TUBB8B: variants seen among roughly 807,000 people sequenced by gnomAD.
TUBB8B encodes HSA18p11 beta-tubulin 4Q pseudogene.
TUBB8B carries 26 observed loss-of-function variants against 31.9 expected under a neutral mutation model. The observed-to-expected ratio is 0.81, with a 90% confidence interval of 0.60 to 1.13. TUBB8B has a LOEUF of 1.13. TUBB8B is among the 50% of genes most tolerant of loss of function. The pLI is 0.00. For synonymous variants in TUBB8B, 173 were observed against 231.0 expected, an observed-to-expected ratio of 0.75 and a Z score of 2.28; for missense variants, 467 against 586.7, an observed-to-expected ratio of 0.80 and a Z score of 2.11.
Position 47,574 on chromosome 18 carries a change from T to C in TUBB8B, c.1151A>G (p.Gln384Arg). The C allele has an allele frequency of 7.4e-7, 1 of 1,342,574 alleles. No individual in the cohort carries two copies. The highest frequency in any genetic ancestry group is 9.9e-7 in the Non-Finnish European group (1 of 1,013,416). The allele number at this position is 1,342,574 out of a possible 1,614,324, so 83.2% of individuals were successfully genotyped here. A position where few individuals can be genotyped will look rare whatever the true frequency, so the allele number is the denominator to read the frequency against. ...IQELFTCVSE[Q>R]FTAMFRRKAF... ...CTTGCGCCTGAACATTGCTGTAAAC[T>C]GCTCTGAGACACATGTGAAGAGTTC... The change falls in exon 4 of 4, where the codon CAG (glutamine) becomes CGG (arginine). Residue 384 changes from glutamine (Q) to arginine (R), a missense_variant. By Grantham distance (43) the Gln-to-Arg change is conservative. Around this residue, in one of 2 missense-constraint regions of TUBB8B, gnomAD observed 208 missense variants for 206.7 expected, o/e 1.01. Coordinates refer to ENST00000308911, the MANE Select transcript of TUBB8B (RefSeq NM_001358689.2).
the TUBB8B span, among the ~76,000 whole-genome samples, chr18:65,761 C>T: frequency 3.9e-5 from 6 of 152,120 alleles, no homozygotes; most frequent in African/African-American, 7.2e-5. Context: ...GCAGTAAAAA[C>T]GGCTACTCAC....
At chr18:52,078 C>A (rs374080579), upstream of TUBB8B, among the ~76,000 whole-genome samples, 360 of 151,938 alleles carry the variant, frequency 2.4e-3, 5 homozygotes, top group Middle Eastern at 0.017. Context: ...TCCACTGCTG[C>A]CCTTTAGCTT....
At chr18:50,590 T>C (rs1328097243), upstream of TUBB8B, 3 of 152,150 alleles carry the variant, frequency 2.0e-5, no homozygotes, top group East Asian at 3.9e-4. Context: ...AAGAATCCCT[T>C]CTAGGGTGAA....
the TUBB8B span, among the ~76,000 whole-genome samples, chr18:57,694 G>C: frequency 6.6e-6 from 1 of 151,898 alleles, no homozygotes; most frequent in Non-Finnish European, 1.5e-5. Context: ...TGCCCCAGTG[G>C]GGAACCCACA....
chr18:72,345 TATC>T, the TUBB8B span, among the ~76,000 whole-genome samples: 6 of 152,172 alleles, frequency 3.9e-5, no homozygotes, highest in Non-Finnish European at 8.8e-5. Context: ...AATTTTATGG[TATC>T]ATGTCAAAGC....
chr18:65,616 C>A, the TUBB8B span, among the ~76,000 whole-genome samples: 1 of 152,158 alleles, frequency 6.6e-6, no homozygotes, highest in African/African-American at 2.4e-5. Flanking sequence ...TGTCAGGGCC[C>A]AGTGCTTTAC....
the TUBB8B span, among the ~76,000 whole-genome samples, chr18:71,569 TAAAAAAAA>T: frequency 1.4e-4 from 8 of 57,644 alleles, no homozygotes; most frequent in Non-Finnish European, 1.5e-4. Context: ...AAAAAAAATT[TAAAAAAAA>T]AAAAAAAAAA....
chr18:56,783 G>T, the TUBB8B span, among the ~76,000 whole-genome samples: 216 of 152,000 alleles, frequency 1.4e-3, 3 homozygotes, highest in African/African-American at 4.9e-3. Flanking sequence ...AAAGGAAATA[G>T]GTTTAATTGG....
the TUBB8B span, among the ~76,000 whole-genome samples, chr18:60,470 C>G: frequency 2.6e-5 from 4 of 151,672 alleles, no homozygotes; most frequent in African/African-American, 9.7e-5. Context: ...TATTTCTGCT[C>G]TAATTTTTAT....
Position 47,764 on chromosome 18 carries a change from T to C in TUBB8B, c.961A>G (p.Met321Val), listed in dbSNP as rs1205003848. The change falls in exon 4 of 4, where the codon ATG becomes GTG. Residue 321 changes from methionine (M) to valine (V), a missense_variant. Met to Val is a conservative substitution (Grantham distance 21, BLOSUM62 1). Coordinates refer to ENST00000308911, the MANE Select transcript of TUBB8B (RefSeq NM_001358689.2). ...LTVAAIFRGR[M>V]PMREVDEQMF... is the part of the protein sequence containing the mutation. ...TGTTCATCCACCTCCCTCATGGGCA[T>C]GCGACCCCTGAAAATGGCAGCCACC... 3.1e-6 allele frequency: 5 copies of C among 1,611,342 alleles called. No homozygotes were observed. Among genetic ancestry groups the C allele is most frequent in the Non-Finnish European group, 3.4e-6 (4 of 1,179,310 alleles).
chr18:59,928 TC>T, the TUBB8B span, among the ~76,000 whole-genome samples: 3 of 151,898 alleles, frequency 2.0e-5, no homozygotes, highest in African/African-American at 7.2e-5. Context: ...TTCCACTTGG[TC>T]ATTATGAATT....
At chr18:52,933 G>A (rs9952078), upstream of TUBB8B, among the ~76,000 whole-genome samples, 67 of 151,678 alleles carry the variant, frequency 4.4e-4, 2 homozygotes, top group African/African-American at 1.4e-3. Context: ...CATTGAAGTC[G>A]GGGCTATTCG....
Position 49,059 on chromosome 18 carries a change from G to T in TUBB8B, c.167-9C>A. 3 of 1,587,514 alleles carry T rather than the reference G, an allele frequency of 1.9e-6. No homozygotes were observed. The highest frequency in any genetic ancestry group is 2.6e-6 in the Non-Finnish European group (3 of 1,159,732). On this transcript the variant is annotated splice_polypyrimidine_tract_variant and intron_variant, in intron 2 of 3. Transcript: ENST00000308911. The stretch of plus-strand genomic sequence containing the variant: ...GGGCACGTACCTGCCACCTGCGTGG[G>T]GCGGGAGGGCATGAGCGAGGGGAGG...
chr18:61,865 G>T, the TUBB8B span, among the ~76,000 whole-genome samples: 1 of 151,464 alleles, frequency 6.6e-6, no homozygotes, highest in African/African-American at 2.4e-5. Flanking sequence ...CTTTCTATTT[G>T]AGATTTTTGC....
chr18:49,750 G>A (rs1211738004), upstream of TUBB8B: 29 of 679,892 alleles, frequency 4.3e-5, 1 homozygote, highest in Non-Finnish European at 6.5e-5. Context: ...GGCGTTGAAC[G>A]TCTGTTGGAG....
upstream of TUBB8B, chr18:49,626 G>C (rs534677792): frequency 3.8e-5 from 28 of 744,860 alleles, 1 homozygote; most frequent in Admixed American, 4.8e-4. Flanking sequence ...GACCCAGCCC[G>C]CCCTCCGCTA....
At chr18:67,805 GC>G in the TUBB8B span, among the ~76,000 whole-genome samples, 4 of 151,840 alleles carry the variant, frequency 2.6e-5, no homozygotes, top group Non-Finnish European at 5.9e-5. Flanking sequence ...CTGATGTGAA[GC>G]CCACGAGATT....
At chr18:66,460 A>C in the TUBB8B span, among the ~76,000 whole-genome samples, 1 of 147,042 alleles carries the variant, frequency 6.8e-6, no homozygotes, top group South Asian at 2.1e-4. Flanking sequence ...CTGAGGCGGG[A>C]GGATCACTTG....
At chr18:51,368 T>C (rs900931226), upstream of TUBB8B, among the ~76,000 whole-genome samples, 4 of 151,978 alleles carry the variant, frequency 2.6e-5, no homozygotes, top group South Asian at 2.1e-4. Flanking sequence ...TGGGAGGTAA[T>C]TGAATCAGGG....
Sources: gnomAD v4.1 joint callset for allele counts (sites outside exome capture counted in the v4.1 genomes callset) on GRCh38, gnomAD v4.1.1 for gene constraint, gnomAD v4.1.1 regional missense constraint, MANE v1.5 for transcripts, NCBI Gene and HGNC (gene_info 2026-07-23, HGNC 2026-07-21) for gene names.